DSCAM: variants seen among roughly 807,000 people sequenced by gnomAD.
DSCAM encodes cell adhesion molecule DSCAM.
DSCAM carries 47 observed loss-of-function variants against 217.7 expected under a neutral mutation model. That is an observed-to-expected ratio of 0.22 (90% CI 0.17 to 0.28). The LOEUF (loss-of-function observed/expected upper bound fraction) is 0.28, where lower values mean the gene tolerates loss of function less well. Ranked by LOEUF, DSCAM falls within the 10% of genes least tolerant of loss-of-function variation. DSCAM has a pLI of 1.00. For synonymous variants in DSCAM, 1,056 were observed against 1,015.3 expected, an observed-to-expected ratio of 1.04 and a Z score of -0.76; for missense variants, 2,080 against 2,618.3, an observed-to-expected ratio of 0.79 and a Z score of 4.49.
intron 3 of DSCAM, among the ~76,000 whole-genome samples, chr21:40,548,372 G>A (rs1039146884): frequency 3.5e-4 from 53 of 152,010 alleles, no homozygotes; most frequent in Non-Finnish European, 1.5e-5. Context: ...GTAAGTGAAC[G>A]CTAAACCAGC....
chr21:40,297,349 C>T (rs181141251), intron 9 of DSCAM, among the ~76,000 whole-genome samples: 1 of 152,126 alleles, frequency 6.6e-6, no homozygotes, highest in Non-Finnish European at 1.5e-5. Flanking sequence ...TATTCTAATC[C>T]CCGTATCTTT....
rs34935219 is a variant in DSCAM at position 40,766,669 on chromosome 21, C to CAAA, written c.44-57901_44-57899dup. Among the ~76,000 whole-genome samples, 384 of 66,592 alleles carry CAAA rather than the reference C, an allele frequency of 5.8e-3. 11 individuals are homozygous for CAAA. The highest frequency in any genetic ancestry group is 0.021 in the African/African-American group (341 of 16,288). 43.7% of individuals were successfully genotyped at this position (66,592 alleles called of 152,430 possible). On this transcript the variant is annotated intron_variant, in intron 1 of 32. Transcript: ENST00000400454. The stretch of plus-strand genomic sequence containing the variant: ...TTTTAAAAAGACAAAACAACAATTC[C>CAAA]AAAAAAAAAAAAAAAAAAACAACTT...
rs1355816337 is a variant in DSCAM, at chr21:40,595,045, T to C, written c.508+97765A>G. Reference sequence around the variant, plus strand: ...CCAGGCAGCACAGGGCAGGCCTTCTTTGGTGCCACCAAGTGCAATTGTGTT... The same window carrying C: ...CCAGGCAGCACAGGGCAGGCCTTCTCTGGTGCCACCAAGTGCAATTGTGTT... On this transcript the variant is annotated intron_variant, in intron 3 of 32. Transcript: ENST00000400454. Among the ~76,000 whole-genome samples the C allele has an allele frequency of 2.0e-5, 3 of 152,198 alleles. No individual in the cohort carries two copies. The East Asian group carries it at 5.8e-4, about 29-fold the overall frequency.
chr21:40,717,722 G>A (rs1348760873), intron 1 of DSCAM, among the ~76,000 whole-genome samples: 1 of 152,234 alleles, frequency 6.6e-6, no homozygotes, highest in Non-Finnish European at 1.5e-5. Flanking sequence ...AAAATTGATT[G>A]TGGTGAAGGC....
chr21:40,179,781 T>C (rs188325597), intron 14 of DSCAM, among the ~76,000 whole-genome samples: 325 of 152,380 alleles, frequency 2.1e-3, no homozygotes, highest in Non-Finnish European at 4.0e-3. Flanking sequence ...ATGTTATCAC[T>C]GAATCTGTGA....
chr21:40,653,891 T>C (rs2090043851), intron 3 of DSCAM, among the ~76,000 whole-genome samples: 1 of 152,012 alleles, frequency 6.6e-6, no homozygotes, highest in African/African-American at 2.4e-5. Context: ...GGTCAGGAGT[T>C]CAAGACCAGC....
intron 1 of DSCAM, among the ~76,000 whole-genome samples, chr21:40,743,249 G>T (rs1051138034): frequency 1.3e-5 from 2 of 152,110 alleles, no homozygotes; most frequent in African/African-American, 4.8e-5. Flanking sequence ...CCACAGACAT[G>T]GTTCATATAG....
chr21:40,180,779 T>G (rs2146806153), intron 14 of DSCAM, among the ~76,000 whole-genome samples: 1 of 151,952 alleles, frequency 6.6e-6, no homozygotes. Context: ...TGTCTGGGAG[T>G]TGGCAGGCAG....
chr21:40,342,626 G>GTGTGTGTGTA (rs1491362590), intron 6 of DSCAM, among the ~76,000 whole-genome samples: 3 of 94,720 alleles, frequency 3.2e-5, no homozygotes, highest in Non-Finnish European at 5.6e-5. Flanking sequence ...GTGTGTGTGT[G>GTGTGTGTGTA]TATATATATA....
rs1465964487 is a variant in DSCAM at position 40,161,345 on chromosome 21, T to C, written c.3018+5873A>G. ...ACACCATGGCTTCATTAAAGAAACATGCATAGTTTACATATACACCAAAAA... is the reference window on the plus strand; with the variant it reads ...ACACCATGGCTTCATTAAAGAAACACGCATAGTTTACATATACACCAAAAA... On this transcript the variant is annotated intron_variant, in intron 16 of 32. Transcript: ENST00000400454. Among the ~76,000 whole-genome samples, 4 of 151,972 alleles carry C rather than the reference T, an allele frequency of 2.6e-5. No individual in the cohort carries two copies. The East Asian group carries it at 5.8e-4, about 22-fold the overall frequency.
At chr21:40,317,947 A>C (rs1569060388) in intron 8 of DSCAM, among the ~76,000 whole-genome samples, 1 of 152,194 alleles carries the variant, frequency 6.6e-6, no homozygotes, top group Non-Finnish European at 1.5e-5. Context: ...AGAATGACTT[A>C]GTTTACTGAG....
At chr21:40,291,050 C>T (rs1228973404) in intron 10 of DSCAM, among the ~76,000 whole-genome samples, 1 of 152,148 alleles carries the variant, frequency 6.6e-6, no homozygotes, top group Non-Finnish European at 1.5e-5. Context: ...CTGATCTTAC[C>T]CCAGCCACAG....
intron 14 of DSCAM, among the ~76,000 whole-genome samples, chr21:40,182,698 CGGGGGGGGGTTACCAGAGAAACCGTGG>C (rs2090834554): frequency 6.7e-5 from 1 of 14,920 alleles, no homozygotes; most frequent in Non-Finnish European, 1.1e-4. Context: ...AAACCGTGGA[CGGGGGGGGGTTACCAGAGAAACCGTGG>C]ACGGGGGGGC....
In DSCAM at chr21:40,029,583, C is replaced by G. The variant is rs562258755; in HGVS notation, c.5686+12788G>C. On this transcript the variant is annotated intron_variant, in intron 32 of 32. Transcript: ENST00000400454. ...GGGTGTGAGGGTGGAGAGTAGGAGGCGGGCCCCAAGGCATGCAGAGAGGCC... is the reference window on the plus strand; with the variant it reads ...GGGTGTGAGGGTGGAGAGTAGGAGGGGGGCCCCAAGGCATGCAGAGAGGCC... 2.0e-5 allele frequency among the ~76,000 whole-genome samples: 3 copies of G among 152,218 alleles called. No individual in the cohort carries two copies. The South Asian group carries it at 6.2e-4, about 32-fold the overall frequency.
chr21:40,561,496 C>T (rs1357998441), intron 3 of DSCAM, among the ~76,000 whole-genome samples: 1 of 152,230 alleles, frequency 6.6e-6, no homozygotes, highest in Non-Finnish European at 1.5e-5. Context: ...TGACAGGCCA[C>T]TGGTTCCTGA....
intron 20 of DSCAM, among the ~76,000 whole-genome samples, chr21:40,094,388 T>G (rs1462061435): frequency 4.6e-5 from 7 of 152,170 alleles, no homozygotes; most frequent in African/African-American, 1.4e-4. Flanking sequence ...TGGCAGCCTT[T>G]CCAAGCTAAG....
chr21:40,340,707 GATTTT>G, intron 6 of DSCAM, among the ~76,000 whole-genome samples: 1 of 152,134 alleles, frequency 6.6e-6, no homozygotes, highest in East Asian at 1.9e-4. Flanking sequence ...TTTAGTTTTT[GATTTT>G]ATTATAAAAG....
At chr21:40,388,824 C>T (rs545963402) in intron 3 of DSCAM, among the ~76,000 whole-genome samples, 16 of 152,166 alleles carry the variant, frequency 1.1e-4, no homozygotes, top group African/African-American at 3.1e-4. Flanking sequence ...GTAAGCAAAT[C>T]TTGCTTTTTA....
chr21:40,019,820 T>C (rs2088229504), intron 32 of DSCAM, among the ~76,000 whole-genome samples: 1 of 152,228 alleles, frequency 6.6e-6, no homozygotes, highest in Admixed American at 6.5e-5. Context: ...AAACCAGCTA[T>C]GACAAAATTC....
Sources: gnomAD v4.1 joint callset for allele counts (sites outside exome capture counted in the v4.1 genomes callset) on GRCh38, gnomAD v4.1.1 for gene constraint, MANE v1.5 for transcripts, NCBI Gene and HGNC (gene_info 2026-07-23, HGNC 2026-07-21) for gene names.